TRIM35: variants seen among roughly 807,000 people sequenced by gnomAD.
The protein encoded by TRIM35 is tripartite motif containing 35, also known as E3 ubiquitin-protein ligase TRIM35.
A neutral mutation model predicts 49.1 loss-of-function variants in TRIM35; 37 were observed. The ratio of observed to expected loss-of-function variants is 0.75; its 90% CI spans 0.58 to 0.99. The LOEUF is 0.99. Ranked by LOEUF, TRIM35 falls within the 50% of genes least tolerant of loss-of-function variation. The probability of loss-of-function intolerance (pLI) is 0.00; values close to 1 mark genes in which losing one functional copy is unlikely to be tolerated. For synonymous variants in TRIM35, 302 were observed against 289.3 expected, an observed-to-expected ratio of 1.04 and a Z score of -0.45; for missense variants, 648 against 702.7, an observed-to-expected ratio of 0.92 and a Z score of 0.88.
chr8:27,301,000 TA>T (rs1452096054), intron 1 of TRIM35, among the ~76,000 whole-genome samples: 2 of 152,094 alleles, frequency 1.3e-5, no homozygotes, highest in Non-Finnish European at 2.9e-5. Context: ...TATGGGACAA[TA>T]AGGATGGGAA....
chr8:27,288,830 G>A (rs1802392939), intron 5 of TRIM35, among the ~76,000 whole-genome samples: 1 of 152,164 alleles, frequency 6.6e-6, no homozygotes. Context: ...AGTCGCCTTA[G>A]GAGAGGCAAG....
At chr8:27,293,201 C>A (rs565474761) in intron 3 of TRIM35, among the ~76,000 whole-genome samples, 2 of 151,942 alleles carry the variant, frequency 1.3e-5, no homozygotes, top group Non-Finnish European at 2.9e-5. Flanking sequence ...CACTCTACAG[C>A]GACACCCCTT....
intron 3 of TRIM35, among the ~76,000 whole-genome samples, chr8:27,293,419 C>T (rs1373031821): frequency 6.6e-6 from 1 of 151,502 alleles, no homozygotes; most frequent in Non-Finnish European, 1.5e-5. Context: ...CTTAAGAAGA[C>T]AGAAAGCCAA....
intron 3 of TRIM35, among the ~76,000 whole-genome samples, chr8:27,290,556 C>T (rs1048187857): frequency 1.3e-5 from 2 of 152,184 alleles, no homozygotes; most frequent in Non-Finnish European, 2.9e-5. Flanking sequence ...ATGACCCACA[C>T]CAAATGCCAG....
At chr8:27,305,193 A>G (rs530626711) in intron 1 of TRIM35, among the ~76,000 whole-genome samples, 23 of 152,384 alleles carry the variant, frequency 1.5e-4, no homozygotes, top group African/African-American at 5.5e-4. Context: ...AGTGCCACCT[A>G]CATGCCAGGT....
At position 27,286,451 on chromosome 8, in the gene TRIM35, G is replaced by C. The variant is rs1485015030; in HGVS notation, c.*1099C>G. 1.1e-5 allele frequency: 3 copies of C among 267,508 alleles called. No individual in the cohort carries two copies. Among genetic ancestry groups the C allele is most frequent in the Non-Finnish European group, 1.5e-5 (2 of 133,686 alleles). 16.6% of individuals were successfully genotyped at this position (267,508 alleles called of 1,614,324 possible). A position where few individuals can be genotyped will look rare whatever the true frequency, so the allele number is the denominator to read the frequency against. ...GTGCCCTCTTTCCTTCTTTTCTGCAGACGCTGATGAGAATTAACCAGAGGA... is the reference window on the plus strand; with the variant it reads ...GTGCCCTCTTTCCTTCTTTTCTGCACACGCTGATGAGAATTAACCAGAGGA... On this transcript the variant is annotated 3_prime_UTR_variant, in exon 6 of 6. Transcript: ENST00000305364.
Position 27,294,065 on chromosome 8 carries a change from C to T in TRIM35, c.762+15G>A, listed in dbSNP as rs545121585. On this transcript the variant is annotated intron_variant, in intron 3 of 5. Coordinates refer to ENST00000305364, the MANE Select transcript of TRIM35 (RefSeq NM_171982.5). ...ATGTGGCCCTGTCACTGAATCCAGA[C>T]GCTGAGCTCCTTACCATGAGAAAAG... 3.2e-5 allele frequency: 51 copies of T among 1,612,036 alleles called. No individual in the cohort carries two copies. The African/African-American group carries it at 4.1e-4, about 13-fold the overall frequency.
intron 1 of TRIM35, among the ~76,000 whole-genome samples, chr8:27,309,814 C>T (rs977515736): frequency 6.6e-6 from 1 of 150,556 alleles, no homozygotes; most frequent in Non-Finnish European, 1.5e-5. Context: ...GAAACCCTGC[C>T]TCTACTAGAA....
chr8:27,288,466 T>C (rs1017189827), intron 5 of TRIM35, among the ~76,000 whole-genome samples: 2 of 152,102 alleles, frequency 1.3e-5, no homozygotes, highest in Non-Finnish European at 2.9e-5. Flanking sequence ...GGGAGAATGC[T>C]GTGTGATGGC....
intron 1 of TRIM35, among the ~76,000 whole-genome samples, chr8:27,302,308 T>C (rs954187869): frequency 2.6e-5 from 4 of 152,246 alleles, no homozygotes; most frequent in Admixed American, 6.5e-5. Context: ...TGTTCTTTGA[T>C]AGCTCTCAAC....
In TRIM35 at chr8:27,290,146, G is replaced by A; in HGVS notation, c.785+10C>T. ...TCTTCCCCTCCCCTCCACCAGCTTTGGCAACTTACCGGCGTTTTCGGCTCT... is the reference window on the plus strand; with the variant it reads ...TCTTCCCCTCCCCTCCACCAGCTTTAGCAACTTACCGGCGTTTTCGGCTCT... On this transcript the variant is annotated intron_variant, in intron 4 of 5. Transcript: ENST00000305364. 1 of 1,613,912 alleles carries A rather than the reference G, an allele frequency of 6.2e-7. No individual in the cohort carries two copies. Among genetic ancestry groups the A allele is most frequent in the Non-Finnish European group, 8.5e-7 (1 of 1,179,946 alleles).
chr8:27,299,217 T>C (rs966150372), intron 1 of TRIM35, among the ~76,000 whole-genome samples: 2 of 152,222 alleles, frequency 1.3e-5, no homozygotes, highest in Non-Finnish European at 2.9e-5. Context: ...TTGTTTCTGA[T>C]GTCCTTGGAC....
In TRIM35 at chr8:27,289,280, T is replaced by C. The variant is rs1232582836; in HGVS notation, c.786A>G (p.Arg262=). 6.2e-7 allele frequency: 1 copy of C among 1,612,456 alleles called. No individual in the cohort carries two copies. Among genetic ancestry groups the C allele is most frequent in the African/African-American group, 1.3e-5 (1 of 74,518 alleles). The change falls in exon 5 of 6, where the codon CGA becomes CGG. Residue 262 remains arginine (R), a splice_region_variant and synonymous_variant. Coordinates refer to ENST00000305364, the MANE Select transcript of TRIM35 (RefSeq NM_171982.5). ...GCTCTGGCTCCATGGTGCAGAAGAG[T>C]CTGGAAAAGTACAATGGGTATGGTG... ...FLMKHKSRKR[R]LFCTMEPEPV...
chr8:27,310,350 T>G (rs1262242878), intron 1 of TRIM35, among the ~76,000 whole-genome samples: 1 of 152,146 alleles, frequency 6.6e-6, no homozygotes, highest in Non-Finnish European at 1.5e-5. Context: ...GCTTGGCAAG[T>G]AGGTGACTGG....
rs371193513 is a variant in TRIM35 at position 27,288,050 on chromosome 8, C to T, written c.982G>A (p.Gly328Ser). ...SDDLTSVTNHGYRVQVENPER... is the reference protein window; with the variant it reads ...SDDLTSVTNHSYRVQVENPER... ...GGGTTCTCCACCTGCACGCGGTAGC[C>T]ATGGTTGGTGACGCTGGTGAGGTCG... The change falls in exon 6 of 6, where the codon GGC (glycine) becomes AGC (serine). Residue 328 changes from glycine to serine, a missense_variant. Coordinates refer to ENST00000305364, the MANE Select transcript of TRIM35 (RefSeq NM_171982.5). 7.4e-6 allele frequency: 12 copies of T among 1,613,318 alleles called. No individual in the cohort carries two copies. In the African/African-American group the frequency reaches 1.6e-4, roughly 22 times the overall value.
chr8:27,287,418 G>T lies in TRIM35; in HGVS notation c.*132C>A. 2.1e-6 allele frequency: 2 copies of T among 971,426 alleles called. No homozygotes were observed. Among genetic ancestry groups the T allele is most frequent in the Non-Finnish European group, 3.0e-6 (2 of 666,484 alleles). The allele number at this position is 971,426 out of a possible 1,614,324, so 60.2% of individuals were successfully genotyped here. A position where few individuals can be genotyped will look rare whatever the true frequency, so the allele number is the denominator to read the frequency against. On this transcript the variant is annotated 3_prime_UTR_variant, in exon 6 of 6. Transcript: ENST00000305364. This position sits in a 1 kb window ranked among gnomAD's most constrained non-coding sequence, Gnocchi z 6.0. ...GGCACAGCCTGGAGTCATGGAAAAG[G>T]ACCAGGCAGGACAGGAGGAAGAGCC...
At chr8:27,289,853 T>C (rs1802416592) in intron 4 of TRIM35, among the ~76,000 whole-genome samples, 1 of 152,196 alleles carries the variant, frequency 6.6e-6, no homozygotes, top group Admixed American at 6.5e-5. Context: ...AAGCCTGACA[T>C]TGACTGGCCC....
In TRIM35 at chr8:27,287,822, C is replaced by A; in HGVS notation, c.1210G>T (p.Gly404Cys). 6.2e-7 allele frequency: 1 copy of A among 1,611,940 alleles called. No homozygotes were observed. Among genetic ancestry groups the A allele is most frequent in the East Asian group, 2.2e-5 (1 of 44,774 alleles). Reference sequence around the variant, plus strand: ...GTCACGCAGTGGTCCCCCTCCACGCCCTGCGTGCGGCAGACATACCAGAAG... The same window carrying A: ...GTCACGCAGTGGTCCCCCTCCACGCACTGCGTGCGGCAGACATACCAGAAG... ...SGFWYVCRTQ[G>C]VEGDHCVTSD... Residue 404 changes from glycine to cysteine, a missense_variant, in exon 6 of 6, where the codon GGC becomes TGC. Transcript: ENST00000305364. The surrounding 1 kb of genome is among the most constrained non-coding windows in gnomAD (Gnocchi z 6.0).
Position 27,289,213 on chromosome 8 carries a change from C to A in TRIM35, c.853G>T (p.Gly285Cys), listed in dbSNP as rs1478853618. 1.2e-6 allele frequency: 2 copies of A among 1,614,036 alleles called. No individual in the cohort carries two copies. Among genetic ancestry groups the A allele is most frequent in the East Asian group, 2.2e-5 (1 of 44,890 alleles). The change falls in exon 5 of 6, where the codon GGC (glycine) becomes TGC (cysteine). Residue 285 changes from glycine to cysteine, a missense_variant. Coordinates refer to ENST00000305364, the MANE Select transcript of TRIM35 (RefSeq NM_171982.5). Reference sequence around the variant, plus strand: ...TTCCAGACGCGGTACTGCAGGGAGCCCAGGTACTTGCAGACATCGATAAGC... The same window carrying A: ...TTCCAGACGCGGTACTGCAGGGAGCACAGGTACTTGCAGACATCGATAAGC... ...GMLIDVCKYL[G>C]SLQYRVWKKM...
Sources: allele counts gnomAD v4.1 joint callset (sites outside exome capture counted in the v4.1 genomes callset), GRCh38; gene constraint gnomAD v4.1.1; non-coding constraint Gnocchi (gnomAD v3.1); transcripts MANE v1.5; gene names NCBI Gene and HGNC (gene_info 2026-07-23, HGNC 2026-07-21).